The following MPDZ variants were observed in gnomAD, a reference collection of about 807,000 sequenced individuals.
The protein encoded by MPDZ is multiple PDZ domain crumbs cell polarity complex component.
A neutral mutation model predicts 239.1 loss-of-function variants in MPDZ; 234 were observed. The observed-to-expected ratio is 0.98, with a 90% CI of 0.88 to 1.09. The LOEUF (loss-of-function observed/expected upper bound fraction) is 1.09, where lower values mean the gene tolerates loss of function less well. Among genes scored for constraint, MPDZ ranks in the 50% least tolerant of loss-of-function variants. The pLI is 0.00. For missense variants in MPDZ, 3,175 were observed against 2,510.0 expected (o/e 1.26, Z -5.66); for synonymous variants, 1,048 against 881.3 (o/e 1.19, Z -3.35).
chr9:13,277,268 G>C (rs181965618), intron 1 of MPDZ, among the ~76,000 whole-genome samples: 46 of 151,574 alleles, frequency 3.0e-4, no homozygotes, highest in Non-Finnish European at 5.7e-4. Flanking sequence ...AAGAAAACCA[G>C]AACTAGAGAA....
rs1253261632 is a variant in MPDZ, at chr9:13,122,122, C to G, written c.5002G>C (p.Asp1668His). 3.7e-6 allele frequency: 6 copies of G among 1,614,062 alleles called. No homozygotes were observed. The highest frequency in any genetic ancestry group is 2.2e-5 in the East Asian group (1 of 44,878). Reference protein sequence around the residue: ...EVYEEGAACKDGRLWAGDQIL... With the variant: ...EVYEEGAACKHGRLWAGDQIL... ...TGATCTCCAGCCCAGAGTCTTCCAT[C>G]TTTACATGCTGCTCCTTCTTCATAA... The change falls in exon 37 of 47, where the codon GAT becomes CAT. Residue 1668 changes from aspartate to histidine, a missense_variant. Coordinates refer to ENST00000319217, the MANE Select transcript of MPDZ (RefSeq NM_001378778.1).
intron 37 of MPDZ, 53 bp from the exon 38 acceptor site, chr9:13,121,985 T>C (rs1187477892): frequency 1.3e-6 from 2 of 1,597,656 alleles, no homozygotes; most frequent in Admixed American, 1.7e-5. Context: ...AAAGGAGAGT[T>C]AGGTGGGGAA....
intron 43 of MPDZ, 106 bp from the exon 44 acceptor site, chr9:13,110,846 ACTG>A (rs1296783208): frequency 3.1e-6 from 2 of 645,132 alleles, no homozygotes; most frequent in East Asian, 5.6e-5. Context: ...TGACATATAT[ACTG>A]CTACCAGCCA....
chr9:13,163,478 CT>C (rs1480374946), intron 22 of MPDZ, among the ~76,000 whole-genome samples: 2 of 152,182 alleles, frequency 1.3e-5, no homozygotes, highest in East Asian at 3.8e-4. Context: ...GACTGAATGC[CT>C]ATTATGCGGA....
intron 22 of MPDZ, among the ~76,000 whole-genome samples, chr9:13,163,880 G>A (rs140089568): frequency 3.2e-4 from 49 of 152,166 alleles, no homozygotes; most frequent in African/African-American, 1.1e-3. Flanking sequence ...CAAATATATT[G>A]GTTATTCTAT....
chr9:13,258,824 A>G (rs1970011635), intron 1 of MPDZ, among the ~76,000 whole-genome samples: 1 of 152,238 alleles, frequency 6.6e-6, no homozygotes, highest in African/African-American at 2.4e-5. Flanking sequence ...AAATAAGATT[A>G]ATTCAATTTT....
intron 12 of MPDZ, among the ~76,000 whole-genome samples, chr9:13,197,803 A>G (rs1955839982): frequency 1.3e-5 from 2 of 151,976 alleles, no homozygotes; most frequent in Non-Finnish European, 2.9e-5. Flanking sequence ...CTATTTCCAG[A>G]AATCAACTTT....
chr9:13,186,519 T>C, intron 17 of MPDZ, 133 bp from the exon 18 acceptor site: 1 of 620,348 alleles, frequency 1.6e-6, no homozygotes, highest in Non-Finnish European at 2.9e-6. Context: ...TCAAACGATA[T>C]GACTTCAACA....
Position 13,173,695 on chromosome 9 carries a change from A to ACT in MPDZ, c.3055+2055_3055+2056dup, listed in dbSNP as rs947463860. On this transcript the variant is annotated intron_variant, in intron 21 of 46. Transcript: ENST00000319217. ...ACTGCAGCCTGGGCAACAAAGCGAA[A>ACT]CTCTCTCTCAAAAAAAAAAAAAAAA... is the stretch of plus-strand genomic sequence containing the variant. Among the ~76,000 whole-genome samples, 26 of 149,852 alleles carry ACT rather than the reference A, an allele frequency of 1.7e-4. No individual in the cohort carries two copies. The East Asian group carries it at 3.8e-3, about 22-fold the overall frequency.
intron 28 of MPDZ, 116 bp from the exon 29 acceptor site, chr9:13,138,269 G>T (rs1262528134): frequency 8.7e-7 from 1 of 1,150,102 alleles, no homozygotes; most frequent in Non-Finnish European, 1.2e-6. Context: ...CAAAATGTAC[G>T]CTTTGACAGT....
rs1398867908 is a variant in MPDZ, at chr9:13,247,899, T to C, written c.17-98A>G. On this transcript the variant is annotated intron_variant, in intron 2 of 46. Coordinates refer to ENST00000319217, the MANE Select transcript of MPDZ (RefSeq NM_001378778.1). ...TGTAGAAATTCTAAAACTATTTCTATTGAGTGCATAAAATTGTCTCTTTTA... is the reference window on the plus strand; with the variant it reads ...TGTAGAAATTCTAAAACTATTTCTACTGAGTGCATAAAATTGTCTCTTTTA... 48 of 1,143,382 alleles carry C rather than the reference T, an allele frequency of 4.2e-5. No homozygotes were observed. In the East Asian group the frequency reaches 6.9e-4, roughly 16 times the overall value. 70.8% of individuals were successfully genotyped at this position (1,143,382 alleles called of 1,614,324 possible).
intron 12 of MPDZ, 21 bp from the exon 13 acceptor site, chr9:13,196,251 A>G (rs1955630523): frequency 6.6e-7 from 1 of 1,511,796 alleles, no homozygotes; most frequent in African/African-American, 1.4e-5. Context: ...CAAGGCAATT[A>G]AGTTAGCAGC....
intron 5 of MPDZ, among the ~76,000 whole-genome samples, chr9:13,223,178 A>T (rs1331766788): frequency 6.6e-6 from 1 of 151,984 alleles, no homozygotes; most frequent in Non-Finnish European, 1.5e-5. Flanking sequence ...CCTGGAACCA[A>T]TTCCCCATGG....
chr9:13,165,260 A>C, intron 22 of MPDZ: 4 of 1,083,776 alleles, frequency 3.7e-6, no homozygotes, highest in Non-Finnish European at 5.3e-6. Flanking sequence ...TACAAAATCT[A>C]TATCTGGATC....
Position 13,128,778 on chromosome 9 carries a change from T to C in MPDZ, c.4465-2006A>G, listed in dbSNP as rs540160405. Among the ~76,000 whole-genome samples the C allele has an allele frequency of 1.1e-3, 168 of 152,270 alleles. 1 individual carries two copies. The highest frequency in any genetic ancestry group is 3.5e-3 in the African/African-American group (145 of 41,542). Reference sequence around the variant, plus strand: ...TTTGCTCAGAAGGCTTGAACAGCCATCCTCTCCCTTCTCCCAAGATACATG... The same window carrying C: ...TTTGCTCAGAAGGCTTGAACAGCCACCCTCTCCCTTCTCCCAAGATACATG... On this transcript the variant is annotated intron_variant, in intron 32 of 46. Coordinates refer to ENST00000319217, the MANE Select transcript of MPDZ (RefSeq NM_001378778.1).
chr9:13,179,865 G>A (rs545505995), intron 19 of MPDZ, among the ~76,000 whole-genome samples: 11 of 152,012 alleles, frequency 7.2e-5, no homozygotes, highest in African/African-American at 1.2e-4. Context: ...CTAAATACAC[G>A]AGCATTTAAT....
intron 22 of MPDZ, among the ~76,000 whole-genome samples, chr9:13,167,191 C>A (rs984448233): frequency 6.6e-6 from 1 of 152,064 alleles, no homozygotes; most frequent in Non-Finnish European, 1.5e-5. Context: ...AAAGAAAACA[C>A]TTGAAGTTTC....
intron 10 of MPDZ, among the ~76,000 whole-genome samples, chr9:13,213,280 C>G (rs530078001): frequency 1.3e-5 from 2 of 152,062 alleles, no homozygotes; most frequent in African/African-American, 2.4e-5. Context: ...CAGTGAAACC[C>G]TGTTGACCCA....
intron 1 of MPDZ, among the ~76,000 whole-genome samples, chr9:13,271,909 C>A (rs1017158863): frequency 6.6e-6 from 1 of 152,082 alleles, no homozygotes; most frequent in Admixed American, 6.5e-5. Flanking sequence ...CTGTATGATT[C>A]CATGTATTTA....
Sources: gnomAD v4.1 joint callset for allele counts (sites outside exome capture counted in the v4.1 genomes callset) on GRCh38, gnomAD v4.1.1 for gene constraint, MANE v1.5 for transcripts, NCBI Gene and HGNC (gene_info 2026-07-23, HGNC 2026-07-21) for gene names.